TRANK1: variants seen among roughly 807,000 people sequenced by gnomAD.
The protein encoded by TRANK1 is tetratricopeptide repeat and ankyrin repeat containing 1, also known as TPR and ankyrin repeat-containing protein 1.
A neutral mutation model predicts 266.0 loss-of-function variants in TRANK1; 198 were observed. The ratio of observed to expected loss-of-function variants is 0.74; its 90% CI spans 0.66 to 0.84. The LOEUF is 0.84. TRANK1 is among the 40% of genes least tolerant of loss of function. The pLI, the probability that TRANK1 is intolerant of heterozygous loss-of-function variation, is 0.00. For missense variants in TRANK1, 3,326 were observed against 3,634.6 expected (o/e 0.92, Z 2.18); for synonymous variants, 1,396 against 1,384.1 (o/e 1.01, Z -0.19).
At chr3:36,865,007 G>T (rs572995960) in intron 9 of TRANK1, among the ~76,000 whole-genome samples, 1,627 of 143,114 alleles carry the variant, frequency 0.011, 26 homozygotes, top group African/African-American at 0.034. Context: ...GTTTTTGGGG[G>T]TTTTTTTGTT....
chr3:36,829,580 G>T lies in TRANK1; in HGVS notation c.8793C>A (p.Thr2931=). The T allele has an allele frequency of 6.2e-7, 1 of 1,613,936 alleles. No individual in the cohort carries two copies. Among genetic ancestry groups the T allele is most frequent in the Non-Finnish European group, 8.5e-7 (1 of 1,179,888 alleles). The part of the protein sequence containing the change: ...DARDWLMKTE[T]RLKKEGIVQE... ...ACTCCTTACCTTCCTTCTTTAAGCG[G>T]GTCTCTGTTTTCATCAACCAGTCTC... The change falls in exon 23 of 24, where the codon ACC becomes ACA. Residue 2931 remains threonine (T), a synonymous_variant. Coordinates refer to ENST00000645898, the MANE Select transcript of TRANK1 (RefSeq NM_001329998.2).
intron 1 of TRANK1, among the ~76,000 whole-genome samples, chr3:36,937,029 G>A (rs374611427): frequency 4.6e-5 from 7 of 152,048 alleles, no homozygotes; most frequent in East Asian, 1.9e-4. Flanking sequence ...CCCGGGAGGC[G>A]GAGGTTGCAG....
chr3:36,861,604 T>C (rs1356591614), intron 10 of TRANK1, among the ~76,000 whole-genome samples: 5 of 152,168 alleles, frequency 3.3e-5, no homozygotes, highest in Non-Finnish European at 7.3e-5. Context: ...TCTTGATTTT[T>C]TATCATGATA....
intron 8 of TRANK1, among the ~76,000 whole-genome samples, chr3:36,885,957 A>G (rs930459954): frequency 1.3e-5 from 2 of 152,098 alleles, no homozygotes; most frequent in Non-Finnish European, 2.9e-5. Context: ...AAAATAAAAC[A>G]TTTTTAAAAA....
chr3:36,869,707 G>A (rs1047942488), intron 9 of TRANK1, among the ~76,000 whole-genome samples: 2 of 152,252 alleles, frequency 1.3e-5, no homozygotes, highest in Non-Finnish European at 2.9e-5. Flanking sequence ...CCTTCTGGGA[G>A]CTAAAGTCTA....
intron 8 of TRANK1, among the ~76,000 whole-genome samples, chr3:36,889,494 C>T (rs976621485): frequency 2.0e-5 from 3 of 152,182 alleles, no homozygotes; most frequent in Non-Finnish European, 4.4e-5. Flanking sequence ...CCAGCTAACA[C>T]AGATTTGGCA....
intron 2 of TRANK1, among the ~76,000 whole-genome samples, chr3:36,903,934 A>T (rs1013500765): frequency 7.2e-5 from 11 of 152,144 alleles, no homozygotes; most frequent in African/African-American, 2.4e-4. Context: ...ACACACAAAT[A>T]AAAAAAGCAA....
intron 17 of TRANK1, among the ~76,000 whole-genome samples, chr3:36,843,520 T>C (rs1214765226): frequency 2.6e-5 from 4 of 152,198 alleles, no homozygotes; most frequent in Non-Finnish European, 4.4e-5. Context: ...CACCACCTGC[T>C]GTCCATCCCT....
intron 6 of TRANK1, 48 bp downstream of exon 6, chr3:36,892,853 A>G (rs1312831926): frequency 9.5e-6 from 2 of 210,470 alleles, no homozygotes; most frequent in South Asian, 2.0e-4. Flanking sequence ...AAAACAAAAC[A>G]TATATATATA....
At chr3:36,887,590 T>C (rs1358487139) in intron 8 of TRANK1, among the ~76,000 whole-genome samples, 1 of 152,186 alleles carries the variant, frequency 6.6e-6, no homozygotes, top group Non-Finnish European at 1.5e-5. Flanking sequence ...TCTTAAAACA[T>C]TGTGAGATTT....
chr3:36,915,053 G>C (rs972340154), intron 1 of TRANK1, among the ~76,000 whole-genome samples: 1 of 152,156 alleles, frequency 6.6e-6, no homozygotes, highest in Non-Finnish European at 1.5e-5. Context: ...CCGGGTTCAC[G>C]CCATTCTCCT....
At chr3:36,841,563 A>T (rs1285903644) in intron 18 of TRANK1, among the ~76,000 whole-genome samples, 1 of 152,220 alleles carries the variant, frequency 6.6e-6, no homozygotes, top group African/African-American at 2.4e-5. Context: ...AAACTGCCAG[A>T]TGGGATTGCT....
chr3:36,842,738 C>G, intron 17 of TRANK1, 28 bp from the exon 18 acceptor site: 1 of 1,589,796 alleles, frequency 6.3e-7, no homozygotes, highest in Non-Finnish European at 8.6e-7. Flanking sequence ...AGTGTGTTTG[C>G]TTCTCTGGGC....
At chr3:36,897,262 G>A (rs181255205) in intron 4 of TRANK1, among the ~76,000 whole-genome samples, 6 of 152,242 alleles carry the variant, frequency 3.9e-5, no homozygotes, top group Non-Finnish European at 7.4e-5. Context: ...CCTAGATTGC[G>A]CCACTGCACT....
chr3:36,898,878 A>G (rs2079834179), intron 4 of TRANK1, among the ~76,000 whole-genome samples: 1 of 152,080 alleles, frequency 6.6e-6, no homozygotes, highest in African/African-American at 2.4e-5. Flanking sequence ...TCTGAAACCA[A>G]ACTCTCAAAG....
rs751446066 is a variant in TRANK1, at chr3:36,856,713, C to G, written c.3009G>C (p.Glu1003Asp). The change falls in exon 13 of 24, where the codon GAG (glutamate) becomes GAC (aspartate). Residue 1003 changes from glutamate to aspartate, a missense_variant. Coordinates refer to ENST00000645898, the MANE Select transcript of TRANK1 (RefSeq NM_001329998.2). Reference sequence around the variant, plus strand: ...CAGGATTGACATGCTCCCTGCCCTTCTCGGCCTCTGTGTCCTCCACATAGC... The same window carrying G: ...CAGGATTGACATGCTCCCTGCCCTTGTCGGCCTCTGTGTCCTCCACATAGC... Reference protein sequence around the residue: ...PRCYVEDTEAEKGREHVNPEY... With the variant: ...PRCYVEDTEADKGREHVNPEY... 5 of 1,614,068 alleles carry G rather than the reference C, an allele frequency of 3.1e-6. No homozygotes were observed. Among genetic ancestry groups the G allele is most frequent in the Non-Finnish European group, 4.2e-6 (5 of 1,179,904 alleles).
intron 8 of TRANK1, among the ~76,000 whole-genome samples, chr3:36,876,149 C>T (rs1256850501): frequency 1.3e-5 from 2 of 152,110 alleles, no homozygotes; most frequent in Non-Finnish European, 2.9e-5. Context: ...TTCTGAGAAC[C>T]ACCCAGTTTT....
At chr3:36,833,968 A>C in intron 21 of TRANK1, 49 bp from the exon 22 acceptor site, 1 of 1,526,388 alleles carries the variant, frequency 6.6e-7, no homozygotes, top group Non-Finnish European at 8.7e-7. Context: ...CCCAATCAAT[A>C]GAAAATTTCC....
rs866868664 is a variant in TRANK1, at chr3:36,899,118, T to C, written c.424A>G (p.Thr142Ala). Residue 142 changes from threonine (T) to alanine (A), a missense_variant, in exon 4 of 24, where the codon ACT becomes GCT. Physicochemically the swap from Thr to Ala is moderately conservative, Grantham distance 58 (BLOSUM62 0). Coordinates refer to ENST00000645898, the MANE Select transcript of TRANK1 (RefSeq NM_001329998.2). ...CCCAGTTCCAACTTACTGCTCATAG[T>C]GGTGAAGACTCCAACAAGGAAATCA... is the stretch of plus-strand genomic sequence containing the variant. ...VADFLVGVFT[T>A]MSSDSIVLQS... The C allele has an allele frequency of 2.0e-6, 3 of 1,537,214 alleles. No individual in the cohort carries two copies. Among genetic ancestry groups the C allele is most frequent in the Non-Finnish European group, 2.6e-6 (3 of 1,146,906 alleles).
Sources: gnomAD v4.1 joint callset for allele counts (sites outside exome capture counted in the v4.1 genomes callset) on GRCh38, gnomAD v4.1.1 for gene constraint, MANE v1.5 for transcripts, NCBI Gene and HGNC (gene_info 2026-07-23, HGNC 2026-07-21) for gene names.